The following ZMYND15 variants were observed in gnomAD, a reference collection of about 807,000 sequenced individuals.
ZMYND15 encodes the protein zinc finger MYND-type containing 15.
In ZMYND15, 54 loss-of-function variants were observed where a neutral mutation model predicts 81.7. That is an observed-to-expected ratio of 0.66 (90% CI 0.53 to 0.83). The LOEUF (loss-of-function observed/expected upper bound fraction) is 0.83, where lower values mean the gene tolerates loss of function less well. ZMYND15 is among the 40% of genes least tolerant of loss of function. The probability of loss-of-function intolerance (pLI) is 0.00; values close to 1 mark genes in which losing one functional copy is unlikely to be tolerated. For missense variants in ZMYND15, 925 were observed against 973.5 expected (o/e 0.95, Z 0.66); for synonymous variants, 399 against 387.0 (o/e 1.03, Z -0.36).
chr17:4,745,325 C>A lies in ZMYND15; in HGVS notation c.2007C>A (p.Asn669Lys). The A allele has an allele frequency of 6.2e-7, 1 of 1,612,696 alleles. No individual in the cohort carries two copies. Among genetic ancestry groups the A allele is most frequent in the Non-Finnish European group, 8.5e-7 (1 of 1,179,410 alleles). Residue 669 changes from asparagine (N) to lysine (K), a missense_variant, in exon 13 of 14, where the codon AAC (asparagine) becomes AAA (lysine). Asn to Lys is a moderately conservative substitution (Grantham distance 94, BLOSUM62 0). Coordinates refer to ENST00000433935, the MANE Select transcript of ZMYND15 (RefSeq NM_001136046.3). The surrounding 1 kb of genome is among the most constrained non-coding windows in gnomAD (Gnocchi z 5.2). Reference protein sequence around the residue: ...TGGGTSPPQPNPFRSPFRLRA... With the variant: ...TGGGTSPPQPKPFRSPFRLRA... Reference sequence around the variant, plus strand: ...GGGGCACCAGCCCTCCCCAGCCCAACCCCTTCCGCTCCCCCTTTCGCCTCA... The same window carrying A: ...GGGGCACCAGCCCTCCCCAGCCCAAACCCTTCCGCTCCCCCTTTCGCCTCA...
Position 4,743,927 on chromosome 17 carries a change from GGTTT to G in ZMYND15, c.1379-60_1379-57del. 1.9e-6 allele frequency: 3 copies of G among 1,578,480 alleles called. No homozygotes were observed. The highest frequency in any genetic ancestry group is 2.6e-6 in the Non-Finnish European group (3 of 1,159,150). ...AGAGCCTGGGTGGCTGTGAAGAAGA[GGTTT>G]GTTAGACTAGAGGGGGTGGGGGTCC... On this transcript the variant is annotated intron_variant, in intron 7 of 13. Transcript: ENST00000433935. The surrounding 1 kb of genome is among the most constrained non-coding windows in gnomAD (Gnocchi z 4.3).
In ZMYND15 at chr17:4,741,054, G is replaced by A. The variant is rs180711973; in HGVS notation, c.506G>A (p.Arg169Gln). 2.3e-5 allele frequency: 35 copies of A among 1,549,358 alleles called. No individual in the cohort carries two copies. In the Middle Eastern group the frequency reaches 5.0e-4, roughly 22 times the overall value. Residue 169 changes from arginine to glutamine, a missense_variant, in exon 2 of 14, where the codon CGG becomes CAG. Physicochemically the swap from Arg to Gln is conservative, Grantham distance 43. Coordinates refer to ENST00000433935, the MANE Select transcript of ZMYND15 (RefSeq NM_001136046.3). ...CCAGGAGAGTCAGAGGAGGCTGCCC[G>A]GGAGGCAGGAGGTGGCAAGGATGGC... ...NPPGESEEAA[R>Q]EAGGGKDGCR...
chr17:4,740,318 A>G, intron 1 of ZMYND15: 18 of 947,458 alleles, frequency 1.9e-5, no homozygotes, highest in Non-Finnish European at 2.4e-5. Context: ...AACCCTGGTC[A>G]CCCACTTTCA....
rs1916609325 is a variant in ZMYND15, at chr17:4,745,210, C to T, written c.1897-5C>T. ...CCTCTCAGAGCGACTCTCGCTCCAC[C>T]CCAGTCCCTCCGAGTGCCAGCCTTC... On this transcript the variant is annotated splice_region_variant and splice_polypyrimidine_tract_variant and intron_variant, in intron 12 of 13. Coordinates refer to ENST00000433935, the MANE Select transcript of ZMYND15 (RefSeq NM_001136046.3). The surrounding 1 kb of genome is among the most constrained non-coding windows in gnomAD (Gnocchi z 5.2). 2 of 1,614,070 alleles carry T rather than the reference C, an allele frequency of 1.2e-6. No homozygotes were observed. The highest frequency in any genetic ancestry group is 1.7e-6 in the Non-Finnish European group (2 of 1,179,994).
Position 4,743,236 on chromosome 17 carries a change from C to T in ZMYND15, c.1145-67C>T. 7 of 1,428,554 alleles carry T rather than the reference C, an allele frequency of 4.9e-6. No homozygotes were observed. The highest frequency in any genetic ancestry group is 6.6e-6 in the Non-Finnish European group (7 of 1,063,558). 88.5% of individuals were successfully genotyped at this position (1,428,554 alleles called of 1,614,324 possible). A position where few individuals can be genotyped will look rare whatever the true frequency, so the allele number is the denominator to read the frequency against. On this transcript the variant is annotated intron_variant, in intron 5 of 13. Coordinates refer to ENST00000433935, the MANE Select transcript of ZMYND15 (RefSeq NM_001136046.3). This position sits in a 1 kb window ranked among gnomAD's most constrained non-coding sequence, Gnocchi z 4.3. ...CTTGGGTGATAGAGCAAGACTCTGT[C>T]TCAAAAAAAAAAAAATGTCTGGGGT...
At chr17:4,742,871 G>T (rs1484693136) in intron 5 of ZMYND15, among the ~76,000 whole-genome samples, 1 of 152,154 alleles carries the variant, frequency 6.6e-6, no homozygotes, top group Non-Finnish European at 1.5e-5. Context: ...CTTGGTGCCT[G>T]GTACGCTGGA....
chr17:4,744,402 G>A lies in ZMYND15; in HGVS notation c.1618G>A (p.Glu540Lys). The A allele has an allele frequency of 6.2e-7, 1 of 1,614,056 alleles. No homozygotes were observed. The highest frequency in any genetic ancestry group is 8.5e-7 in the Non-Finnish European group (1 of 1,179,986). The change falls in exon 10 of 14, where the codon GAG becomes AAG. Residue 540 changes from glutamate to lysine, a missense_variant. Transcript: ENST00000433935. The surrounding 1 kb of genome is among the most constrained non-coding windows in gnomAD (Gnocchi z 4.1). ...GGTCCTGCTCCCCCATGTGGCCCTG[G>A]AGCTGCAGTTTGTAGGTGATGGCCT... ...LLVLLPHVAL[E>K]LQFVGDGLPP...
chr17:4,740,902 A>G lies in ZMYND15; in HGVS notation c.354A>G (p.Glu118=). 2 of 1,581,408 alleles carry G rather than the reference A, an allele frequency of 1.3e-6. No individual in the cohort carries two copies. The highest frequency in any genetic ancestry group is 4.5e-5 in the East Asian group (2 of 44,388). Residue 118 remains glutamate (E), a synonymous_variant, in exon 2 of 14, where the codon GAA becomes GAG. Coordinates refer to ENST00000433935, the MANE Select transcript of ZMYND15 (RefSeq NM_001136046.3). ...AGGATGGGGAGGAAGGGGAGGAGGA[A>G]GAGGAGGAAGATGAAGAAGAAGAGA... The part of the protein sequence containing the change: ...SLEDGEEGEE[E]EEEDEEEEKR...
intron 2 of ZMYND15, 127 bp from the exon 3 acceptor site, chr17:4,741,455 C>A: frequency 9.4e-7 from 1 of 1,061,756 alleles, no homozygotes; most frequent in African/African-American, 1.6e-5. Flanking sequence ...GCCCTCTCTA[C>A]CCAGAGCCCT....
rs146100065 is a variant in ZMYND15, at chr17:4,741,103, C to G, written c.555C>G (p.Asn185Lys). The change falls in exon 2 of 14, where the codon AAC becomes AAG. Residue 185 changes from asparagine to lysine, a missense_variant. By Grantham distance (94) the Asn-to-Lys change is moderately conservative. Coordinates refer to ENST00000433935, the MANE Select transcript of ZMYND15 (RefSeq NM_001136046.3). ...GCTGCCGAGAGGACAGGGTGGAGAA[C>G]GAAACAAGACCCCAGAAGAGGAAGG... ...KDGCREDRVE[N>K]ETRPQKRKGQ... 63 of 1,518,022 alleles carry G rather than the reference C, an allele frequency of 4.2e-5. No individual in the cohort carries two copies. The highest frequency in any genetic ancestry group is 1.7e-4 in the Middle Eastern group (1 of 5,730). The allele number at this position is 1,518,022 out of a possible 1,614,324, so 94.0% of individuals were successfully genotyped here. A position where few individuals can be genotyped will look rare whatever the true frequency, so the allele number is the denominator to read the frequency against.
Position 4,743,209 on chromosome 17 carries a change from A to T in ZMYND15, c.1145-94A>T. 7.3e-7 allele frequency: 1 copy of T among 1,366,456 alleles called. No homozygotes were observed. Among genetic ancestry groups the T allele is most frequent in the Non-Finnish European group, 9.9e-7 (1 of 1,006,542 alleles). 84.6% of individuals were successfully genotyped at this position (1,366,456 alleles called of 1,614,324 possible). On this transcript the variant is annotated intron_variant, in intron 5 of 13. Coordinates refer to ENST00000433935, the MANE Select transcript of ZMYND15 (RefSeq NM_001136046.3). This position sits in a 1 kb window ranked among gnomAD's most constrained non-coding sequence, Gnocchi z 4.3. Reference sequence around the variant, plus strand: ...TCCCGTGATCACGCCACTGCACTCTAGCTTGGGTGATAGAGCAAGACTCTG... The same window carrying T: ...TCCCGTGATCACGCCACTGCACTCTTGCTTGGGTGATAGAGCAAGACTCTG...
chr17:4,746,049 T>C lies in ZMYND15; in HGVS notation c.*59T>C. 3.6e-6 allele frequency: 5 copies of C among 1,388,700 alleles called. No individual in the cohort carries two copies. The highest frequency in any genetic ancestry group is 3.7e-6 in the Non-Finnish European group (4 of 1,068,720). The allele number at this position is 1,388,700 out of a possible 1,614,324, so 86.0% of individuals were successfully genotyped here. ...CACTGAAAGGAAAACGTGAAAACACTCAAGGCCTAGGGGGAGGACAGGTTG... is the reference window on the plus strand; with the variant it reads ...CACTGAAAGGAAAACGTGAAAACACCCAAGGCCTAGGGGGAGGACAGGTTG... On this transcript the variant is annotated 3_prime_UTR_variant, in exon 14 of 14. Transcript: ENST00000433935.
Position 4,744,139 on chromosome 17 carries a change from A to G in ZMYND15, c.1495+32A>G. On this transcript the variant is annotated intron_variant, in intron 8 of 13. Coordinates refer to ENST00000433935, the MANE Select transcript of ZMYND15 (RefSeq NM_001136046.3). The surrounding 1 kb of genome is among the most constrained non-coding windows in gnomAD (Gnocchi z 4.1). ...AGAGCGGAGTGGGGGGTGGAGCAGG[A>G]TGGGGGAGTGAGAGTGGACCACATC... 6.2e-7 allele frequency: 1 copy of G among 1,612,782 alleles called. No homozygotes were observed. The highest frequency in any genetic ancestry group is 8.5e-7 in the Non-Finnish European group (1 of 1,179,290).
Position 4,744,907 on chromosome 17 carries a change from G to C in ZMYND15, c.1875G>C (p.Leu625=). The change falls in exon 12 of 14, where the codon CTG becomes CTC. Residue 625 remains leucine (L), a synonymous_variant. Transcript: ENST00000433935. This position sits in a 1 kb window ranked among gnomAD's most constrained non-coding sequence, Gnocchi z 4.1. The part of the protein sequence containing the change: ...NSGFALKDTW[L]RSLPRLQSLR... ...GGTTTGCTCTCAAGGATACGTGGCT[G>C]AGGTCTCTGCCCCGGTTACAGGTGG... is the stretch of plus-strand genomic sequence containing the variant. The C allele has an allele frequency of 6.2e-7, 1 of 1,614,136 alleles. No homozygotes were observed. Among genetic ancestry groups the C allele is most frequent in the Non-Finnish European group, 8.5e-7 (1 of 1,180,008 alleles).
intron 4 of ZMYND15, 69 bp from the exon 5 acceptor site, chr17:4,742,262 G>T: frequency 6.3e-7 from 1 of 1,585,524 alleles, no homozygotes; most frequent in Non-Finnish European, 8.6e-7. Flanking sequence ...GGCAGCTGCT[G>T]GGCAGTTGAA....
chr17:4,745,317 C>T lies in ZMYND15; in HGVS notation c.1999C>T (p.Gln667Ter), dbSNP rs781143745. The T allele has an allele frequency of 2.5e-6, 4 of 1,613,100 alleles. No individual in the cohort carries two copies. Among genetic ancestry groups the T allele is most frequent in the Non-Finnish European group, 3.4e-6 (4 of 1,179,572 alleles). The change falls in exon 13 of 14, where the codon CAG becomes TAG. Residue 667 changes from glutamine (Q) to a stop codon, truncating the protein, a stop_gained. Transcript: ENST00000433935. LOFTEE classifies it high-confidence loss of function. The surrounding 1 kb of genome is among the most constrained non-coding windows in gnomAD (Gnocchi z 5.2). Reference sequence around the variant, plus strand: ...CACTGGAGGGGGCACCAGCCCTCCCCAGCCCAACCCCTTCCGCTCCCCCTT... The same window carrying T: ...CACTGGAGGGGGCACCAGCCCTCCCTAGCCCAACCCCTTCCGCTCCCCCTT... ...VATGGGTSPP[Q>*]PNPFRSPFRL... is the part of the protein sequence containing the mutation.
chr17:4,742,604 G>A, intron 5 of ZMYND15, 113 bp downstream of exon 5: 1 of 1,400,862 alleles, frequency 7.1e-7, no homozygotes, highest in Non-Finnish European at 9.7e-7. Flanking sequence ...TCTGGGGCTA[G>A]AGCCTAGATC....
rs142027843 is a variant in ZMYND15, at chr17:4,741,918, G to T, written c.831G>T (p.Glu277Asp). 6.2e-7 allele frequency: 1 copy of T among 1,614,078 alleles called. No individual in the cohort carries two copies. Among genetic ancestry groups the T allele is most frequent in the Non-Finnish European group, 8.5e-7 (1 of 1,179,970 alleles). The change falls in exon 4 of 14, where the codon GAG becomes GAT. Residue 277 changes from glutamate (E) to aspartate (D), a missense_variant. Transcript: ENST00000433935. The stretch of plus-strand genomic sequence containing the variant: ...TCTCCCCCCCAACTGCATTTAGAGA[G>T]CTGGAGAGCTTGGTCCCAAGGCTAG... ...LTVGDARLHR[E>D]LESLVPRLGV...
intron 2 of ZMYND15, 149 bp from the exon 3 acceptor site, chr17:4,741,433 T>C (rs1034973233): frequency 1.0e-5 from 9 of 880,436 alleles, no homozygotes; most frequent in African/African-American, 1.0e-4. Flanking sequence ...CTGTCCCCTT[T>C]AGAAGGAGCG....
Sources: allele counts gnomAD v4.1 joint callset (sites outside exome capture counted in the v4.1 genomes callset), GRCh38; gene constraint gnomAD v4.1.1; non-coding constraint Gnocchi (gnomAD v3.1); transcripts MANE v1.5; gene names NCBI Gene and HGNC (gene_info 2026-07-23, HGNC 2026-07-21).